Variants in CEP162 observed in about 807,000 individuals in gnomAD.
CEP162 encodes centrosomal protein 162.
Under a neutral mutation model 169.2 loss-of-function variants are expected in CEP162, and 141 were observed. The ratio of observed to expected loss-of-function variants is 0.83; its 90% CI spans 0.73 to 0.96. The LOEUF (loss-of-function observed/expected upper bound fraction) is 0.96, where lower values mean the gene tolerates loss of function less well. CEP162 is among the 40% of genes least tolerant of loss of function. The pLI is 0.00. For missense variants in CEP162, 1,600 were observed against 1,587.2 expected, an observed-to-expected ratio of 1.01 and a Z score of -0.14; for synonymous variants, 540 against 526.4, an observed-to-expected ratio of 1.03 and a Z score of -0.35.
At chr6:84,136,739 G>A (rs888131699) in intron 25 of CEP162, among the ~76,000 whole-genome samples, 1 of 152,128 alleles carries the variant, frequency 6.6e-6, no homozygotes, top group Non-Finnish European at 1.5e-5. Context: ...TGCTATGAAG[G>A]TCTTATTTAA....
chr6:84,173,686 C>CT (rs3066635), intron 16 of CEP162, among the ~76,000 whole-genome samples: 24,646 of 140,396 alleles, frequency 0.18, 3,467 homozygotes, highest in African/African-American at 0.39. Context: ...TTTAATATAC[C>CT]TTTTTTTTTT....
At chr6:84,215,647 T>G in intron 4 of CEP162, 129 bp downstream of exon 4, 2 of 1,300,810 alleles carry the variant, frequency 1.5e-6, no homozygotes, top group South Asian at 1.5e-5. Context: ...AGAATAATTC[T>G]AAACCTCTAG....
chr6:84,215,581 TCTCA>T (rs2099551232), intron 4 of CEP162, 116 bp from the exon 5 acceptor site: 3 of 1,134,836 alleles, frequency 2.6e-6, no homozygotes, highest in African/African-American at 3.1e-5. Context: ...AAATATTTAC[TCTCA>T]CTCACCAAAT....
chr6:84,164,005 C>CAA (rs537600830), intron 18 of CEP162, among the ~76,000 whole-genome samples: 6 of 83,384 alleles, frequency 7.2e-5, no homozygotes, highest in Non-Finnish European at 1.2e-4. Flanking sequence ...AACAAATTTA[C>CAA]AAAAAAAAAA....
At chr6:84,171,914 C>T (rs1196354296) in intron 16 of CEP162, among the ~76,000 whole-genome samples, 196 bp from the exon 17 acceptor site, 1 of 152,082 alleles carries the variant, frequency 6.6e-6, no homozygotes, top group African/African-American at 2.4e-5. Flanking sequence ...CTTTCCATAA[C>T]ATTTAAAATG....
intron 11 of CEP162, among the ~76,000 whole-genome samples, chr6:84,192,631 G>C (rs951595319): frequency 2.6e-5 from 4 of 152,230 alleles, no homozygotes; most frequent in African/African-American, 9.6e-5. Flanking sequence ...GTATAGGAAG[G>C]AGGCTGAAAA....
At chr6:84,220,581 T>A (rs942707016) in intron 3 of CEP162, among the ~76,000 whole-genome samples, 3 of 152,192 alleles carry the variant, frequency 2.0e-5, no homozygotes, top group Admixed American at 2.0e-4. Context: ...GCTATGATTG[T>A]GTTACTGCCC....
Position 84,226,370 on chromosome 6 carries a change from C to T in CEP162, c.24G>A (p.Glu8=). 1.3e-6 allele frequency: 2 copies of T among 1,568,758 alleles called. No individual in the cohort carries two copies. Among genetic ancestry groups the T allele is most frequent in the Non-Finnish European group, 1.7e-6 (2 of 1,154,170 alleles). Residue 8 remains glutamate (E), a synonymous_variant, in exon 2 of 27, where the codon GAG becomes GAA. Coordinates refer to ENST00000403245, the MANE Select transcript of CEP162 (RefSeq NM_014895.4). MANCSQE[E]LDEEFEQFMK... ...TAAACTGTTCAAACTCTTCATCTAGCTCTTCTTGGGAACAGTTAGCCATAG... is the reference window on the plus strand; with the variant it reads ...TAAACTGTTCAAACTCTTCATCTAGTTCTTCTTGGGAACAGTTAGCCATAG...
At position 84,160,890 on chromosome 6, in the gene CEP162, C is replaced by A. The variant is rs1277456672; in HGVS notation, c.2703G>T (p.Gly901=). ...LEIEKLKAES[G]NPSIRQKIRL... Reference sequence around the variant, plus strand: ...GTATCTTCTGCCGAATAGATGGATTCCCAGATTCAGCTTTCAGTTTCTCAA... The same window carrying A: ...GTATCTTCTGCCGAATAGATGGATTACCAGATTCAGCTTTCAGTTTCTCAA... The change falls in exon 21 of 27, where the codon GGG becomes GGT. Residue 901 remains glycine, a synonymous_variant. Transcript: ENST00000403245. 1 of 1,611,974 alleles carries A rather than the reference C, an allele frequency of 6.2e-7. No individual in the cohort carries two copies. The highest frequency in any genetic ancestry group is 8.5e-7 in the Non-Finnish European group (1 of 1,178,668).
chr6:84,180,876 C>G (rs1406424997), intron 13 of CEP162, among the ~76,000 whole-genome samples: 3 of 152,158 alleles, frequency 2.0e-5, no homozygotes, highest in Admixed American at 1.3e-4. Flanking sequence ...ACATTCCATG[C>G]TCATGGATAG....
At chr6:84,155,209 T>G (rs1462622769) in intron 22 of CEP162, 89 bp downstream of exon 22, 3 of 979,056 alleles carry the variant, frequency 3.1e-6, no homozygotes, top group Non-Finnish European at 4.7e-6. Flanking sequence ...AAAGAATGTT[T>G]ATAGCTATTT....
Position 84,174,588 on chromosome 6 carries a change from A to T in CEP162, c.2025+139T>A, listed in dbSNP as rs2099531593. ...CTCTCATGTACGGAATCACTCTTGG[A>T]ACCATTCTATATTTTATACAGCAAA... On this transcript the variant is annotated intron_variant, in intron 15 of 26. Coordinates refer to ENST00000403245, the MANE Select transcript of CEP162 (RefSeq NM_014895.4). 13 of 567,112 alleles carry T rather than the reference A, an allele frequency of 2.3e-5. No homozygotes were observed. In the South Asian group the frequency reaches 3.3e-4, roughly 15 times the overall value. The allele number at this position is 567,112 out of a possible 1,614,324, so 35.1% of individuals were successfully genotyped here.
chr6:84,174,303 A>G lies in CEP162; in HGVS notation c.2026-115T>C. 4 of 855,744 alleles carry G rather than the reference A, an allele frequency of 4.7e-6. No individual in the cohort carries two copies. The Admixed American group carries it at 8.7e-5, about 19-fold the overall frequency. The allele number at this position is 855,744 out of a possible 1,614,324, so 53.0% of individuals were successfully genotyped here. Reference sequence around the variant, plus strand: ...CGAAAACTGTCTTATAATATTGAACATATTAGAATGTGACATAACTAGTTA... The same window carrying G: ...CGAAAACTGTCTTATAATATTGAACGTATTAGAATGTGACATAACTAGTTA... On this transcript the variant is annotated intron_variant, in intron 15 of 26. Transcript: ENST00000403245.
chr6:84,170,373 C>CAAAAAAAAAAAA (rs57988482), intron 17 of CEP162, among the ~76,000 whole-genome samples: 9 of 28,352 alleles, frequency 3.2e-4, no homozygotes, highest in African/African-American at 5.4e-4. Flanking sequence ...GACTCCGTCT[C>CAAAAAAAAAAAA]AAAAAAAAAA....
At chr6:84,187,082 G>T (rs957934317) in intron 11 of CEP162, among the ~76,000 whole-genome samples, 1 of 152,068 alleles carries the variant, frequency 6.6e-6, no homozygotes, top group Admixed American at 6.6e-5. Context: ...AGGAGGCATA[G>T]AGTATAAATA....
rs1032367271 is a variant in CEP162, at chr6:84,152,919, A to T, written c.3255T>A (p.Ala1085=). 5 of 1,613,632 alleles carry T rather than the reference A, an allele frequency of 3.1e-6. No individual in the cohort carries two copies. The highest frequency in any genetic ancestry group is 1.3e-5 in the African/African-American group (1 of 74,912). ...GTTCTTCATTGAGTCTTACTAATTT[A>T]GCTTTAGCATGAGCCTGTTCCACCT... ...EFQVEQAHAK[A]KLVRLNEELA... The change falls in exon 23 of 27, where the codon GCT becomes GCA. Residue 1085 remains alanine, a synonymous_variant. Coordinates refer to ENST00000403245, the MANE Select transcript of CEP162 (RefSeq NM_014895.4).
chr6:84,159,258 G>A (rs756716687), intron 21 of CEP162, among the ~76,000 whole-genome samples: 25 of 151,078 alleles, frequency 1.7e-4, no homozygotes, highest in Non-Finnish European at 3.5e-4. Flanking sequence ...ATAAGATGAT[G>A]AACTGTTTAA....
intron 25 of CEP162, among the ~76,000 whole-genome samples, chr6:84,143,673 G>A (rs181731205): frequency 6.6e-6 from 1 of 152,078 alleles, no homozygotes. Flanking sequence ...GTGTGTCTAA[G>A]CTGTCTAAAA....
chr6:84,135,489 T>A (rs1463089763), intron 25 of CEP162, among the ~76,000 whole-genome samples: 1 of 150,350 alleles, frequency 6.7e-6, no homozygotes, highest in East Asian at 1.9e-4. Context: ...CTTTGTTCTC[T>A]TACTTGTTGG....
Sources: allele counts gnomAD v4.1 joint callset (sites outside exome capture counted in the v4.1 genomes callset), GRCh38; gene constraint gnomAD v4.1.1; transcripts MANE v1.5; gene names NCBI Gene and HGNC (gene_info 2026-07-23, HGNC 2026-07-21).